The following B4GALNT3 variants were observed in gnomAD, a reference collection of about 807,000 sequenced individuals.
The protein encoded by B4GALNT3 is beta-1,4-N-acetyl-galactosaminyltransferase 3.
B4GALNT3 carries 86 observed loss-of-function variants against 120.2 expected under a neutral mutation model. The observed-to-expected ratio is 0.72, with a 90% CI of 0.60 to 0.86. The LOEUF is 0.86. Among genes scored for constraint, B4GALNT3 ranks in the 40% least tolerant of loss-of-function variants. The pLI is 0.00. For synonymous variants in B4GALNT3, 518 were observed against 510.4 expected (o/e 1.01, Z -0.20); for missense variants, 1,167 against 1,298.9 (o/e 0.90, Z 1.56).
intron 1 of B4GALNT3, among the ~76,000 whole-genome samples, chr12:474,662 T>C (rs969931451): frequency 1.3e-5 from 2 of 151,860 alleles, no homozygotes; most frequent in Non-Finnish European, 2.9e-5. Flanking sequence ...CTACATAAAA[T>C]TTAAAAATTA....
intron 1 of B4GALNT3, among the ~76,000 whole-genome samples, chr12:475,509 C>T (rs567817078): frequency 3.4e-4 from 52 of 152,234 alleles, no homozygotes; most frequent in African/African-American, 1.1e-3. Context: ...CCGGCAGAAC[C>T]GGAGGTGGGG....
At position 548,379 on chromosome 12, in the gene B4GALNT3, G is replaced by C; in HGVS notation, c.853+82G>C. The C allele has an allele frequency of 2.9e-6, 4 of 1,364,194 alleles. No individual in the cohort carries two copies. The highest frequency in any genetic ancestry group is 4.2e-6 in the Non-Finnish European group (4 of 959,824). 84.5% of individuals were successfully genotyped at this position (1,364,194 alleles called of 1,614,324 possible). A position where few individuals can be genotyped will look rare whatever the true frequency, so the allele number is the denominator to read the frequency against. ...TGGGGGATTTGGCAGGGGAGGAGGG[G>C]AGGAGGGGAGGAAGGAAGCTCGAGA... On this transcript the variant is annotated intron_variant, in intron 9 of 19. Coordinates refer to ENST00000266383, the MANE Select transcript of B4GALNT3 (RefSeq NM_173593.4). The surrounding 1 kb of genome is among the most constrained non-coding windows in gnomAD (Gnocchi z 4.9).
chr12:512,635 C>CCTTCCACCTTCCACCTTCCACCTT (rs1565598892), intron 1 of B4GALNT3, among the ~76,000 whole-genome samples: 1 of 126,132 alleles, frequency 7.9e-6, no homozygotes, highest in Non-Finnish European at 1.7e-5. Flanking sequence ...CCACCTTCCG[C>CCTTCCACCTTCCACCTTCCACCTT]CTTCCACCTT....
chr12:541,868 G>A (rs758789), intron 3 of B4GALNT3, among the ~76,000 whole-genome samples: 11 of 23,834 alleles, frequency 4.6e-4, no homozygotes, highest in Admixed American at 3.3e-3. Flanking sequence ...CCCACCCCCC[G>A]GCCTCTGGCC....
chr12:526,075 G>C (rs115449661), intron 1 of B4GALNT3, among the ~76,000 whole-genome samples: 223 of 152,310 alleles, frequency 1.5e-3, no homozygotes, highest in African/African-American at 5.2e-3. Context: ...TGTGTGCCCT[G>C]CATGTGGGCA....
At chr12:547,873 G>C in intron 7 of B4GALNT3, 151 bp from the exon 8 acceptor site, 1 of 654,770 alleles carries the variant, frequency 1.5e-6, no homozygotes, top group South Asian at 1.8e-5. Context: ...GTGATAGAGT[G>C]GGGGCTCGAA....
rs541249398 is a variant in B4GALNT3, at chr12:500,146, C to A, written c.170-35020C>A. Among the ~76,000 whole-genome samples, 51 of 149,732 alleles carry A rather than the reference C, an allele frequency of 3.4e-4. 1 individual carries two copies. Among genetic ancestry groups the A allele is most frequent in the Middle Eastern group, 3.4e-3 (1 of 290 alleles). Reference sequence around the variant, plus strand: ...TTAGGAGAAGCAGCTTTTTTTTTTACGTTTAATTTTTTTAAGAGTTGGGGT... The same window carrying A: ...TTAGGAGAAGCAGCTTTTTTTTTTAAGTTTAATTTTTTTAAGAGTTGGGGT... On this transcript the variant is annotated intron_variant, in intron 1 of 19. Transcript: ENST00000266383.
chr12:479,836 A>G (rs892223948), intron 1 of B4GALNT3, among the ~76,000 whole-genome samples: 8 of 151,050 alleles, frequency 5.3e-5, no homozygotes, highest in Admixed American at 1.3e-4. Flanking sequence ...AGTGCAGTGG[A>G]TCCTGGAGTT....
At chr12:552,883 G>T in intron 13 of B4GALNT3, 1 of 499,258 alleles carries the variant, frequency 2.0e-6, no homozygotes, top group South Asian at 2.6e-5. Flanking sequence ...GGGGATTAGG[G>T]CGTGGCTGGG....
intron 1 of B4GALNT3, among the ~76,000 whole-genome samples, chr12:523,503 A>G (rs873135): frequency 0.52 from 78,771 of 151,884 alleles, 20,731 homozygotes; most frequent in East Asian, 0.73. Flanking sequence ...AGGCTCAGCC[A>G]GCGTCCTCCC....
intron 1 of B4GALNT3, among the ~76,000 whole-genome samples, chr12:500,587 TC>T (rs1946429265): frequency 6.6e-6 from 1 of 152,168 alleles, no homozygotes; most frequent in African/African-American, 2.4e-5. Flanking sequence ...GTACACACCT[TC>T]CGGTCATTCC....
rs1340944815 is a variant in B4GALNT3, at chr12:552,061, AG to A, written c.1108del. ...TCCTGCTGCTGATTTTTCCACTTCC[AG>A]GTTCATCTGTCTTTTGTTTACCCCA... On this transcript the variant is annotated splice_acceptor_variant, in intron 11 of 19. Coordinates refer to ENST00000266383, the MANE Select transcript of B4GALNT3 (RefSeq NM_173593.4). LOFTEE classifies it high-confidence loss of function. 6.9e-6 allele frequency: 11 copies of A among 1,595,086 alleles called. No homozygotes were observed. The highest frequency in any genetic ancestry group is 2.7e-5 in the African/African-American group (2 of 74,414).
At chr12:474,904 G>GC (rs34220697) in intron 1 of B4GALNT3, among the ~76,000 whole-genome samples, 79,300 of 145,644 alleles carry the variant, frequency 0.54, 22,021 homozygotes, top group East Asian at 0.74. Flanking sequence ...AGCCAAGATT[G>GC]ACCACTGCAC....
Position 549,850 on chromosome 12 carries a change from C to T in B4GALNT3, c.935C>T (p.Pro312Leu). The T allele has an allele frequency of 6.2e-7, 1 of 1,613,822 alleles. No homozygotes were observed. Among genetic ancestry groups the T allele is most frequent in the African/African-American group, 1.3e-5 (1 of 75,060 alleles). ...ASHVDSSNAL[P>L]RDEQPPADML... ...CACGTGGACTCCTCCAACGCTCTTC[C>T]CAGGGATGAGCAGCCGCCCGCTGAC... is the stretch of plus-strand genomic sequence containing the variant. Residue 312 changes from proline (P) to leucine (L), a missense_variant, in exon 10 of 20, where the codon CCC (proline) becomes CTC (leucine). Physicochemically the swap from Pro to Leu is moderately conservative, Grantham distance 98 (BLOSUM62 -3). Coordinates refer to ENST00000266383, the MANE Select transcript of B4GALNT3 (RefSeq NM_173593.4).
chr12:486,330 C>T (rs1047749575), intron 1 of B4GALNT3, among the ~76,000 whole-genome samples: 2 of 151,400 alleles, frequency 1.3e-5, no homozygotes, highest in Non-Finnish European at 2.9e-5. Flanking sequence ...CCACCTCAGC[C>T]TCCTGAGTAC....
At chr12:472,891 C>T (rs1946150798) in intron 1 of B4GALNT3, among the ~76,000 whole-genome samples, 1 of 152,098 alleles carries the variant, frequency 6.6e-6, no homozygotes, top group Admixed American at 6.6e-5. Context: ...GTCTAGCCAA[C>T]ATAAATTGTT....
At chr12:554,764 T>C (rs1449969394) in intron 14 of B4GALNT3, among the ~76,000 whole-genome samples, 87 of 98,506 alleles carry the variant, frequency 8.8e-4, no homozygotes, top group Admixed American at 3.0e-3. Context: ...CACTCCAGCC[T>C]GGGCGACAGA....
chr12:549,198 C>T (rs1039063303), intron 9 of B4GALNT3, among the ~76,000 whole-genome samples: 1 of 152,112 alleles, frequency 6.6e-6, no homozygotes. Context: ...AGCAGCCAGC[C>T]CCCCACCCCC....
intron 1 of B4GALNT3, among the ~76,000 whole-genome samples, chr12:500,217 C>T (rs1946425366): frequency 6.6e-6 from 1 of 152,124 alleles, no homozygotes; most frequent in South Asian, 2.1e-4. Flanking sequence ...AATCATACCG[C>T]ACTGCAGCCC....
Sources: allele counts gnomAD v4.1 joint callset (sites outside exome capture counted in the v4.1 genomes callset), GRCh38; gene constraint gnomAD v4.1.1; non-coding constraint Gnocchi (gnomAD v3.1); transcripts MANE v1.5; gene names NCBI Gene and HGNC (gene_info 2026-07-23, HGNC 2026-07-21).